DDX27: variants seen among roughly 807,000 people sequenced by gnomAD.
DDX27 encodes the protein DEAD-box helicase 27.
In DDX27, 42 loss-of-function variants were observed where a neutral mutation model predicts 99.3. The observed-to-expected ratio is 0.42, with a 90% CI of 0.33 to 0.55. The LOEUF is 0.55. Among genes scored for constraint, DDX27 ranks in the 20% least tolerant of loss-of-function variants. DDX27 has a pLI of 0.07. For missense variants in DDX27, 798 were observed against 976.8 expected (o/e 0.82, Z 2.44); for synonymous variants, 329 against 353.8 (o/e 0.93, Z 0.79).
chr20:49,243,904 G>C lies in DDX27; in HGVS notation c.*70G>C. 6.3e-7 allele frequency: 1 copy of C among 1,575,998 alleles called. No homozygotes were observed. The highest frequency in any genetic ancestry group is 2.2e-5 in the East Asian group (1 of 44,658). ...TTCCCTGTGGGAAGTCATCCTGGCT[G>C]GTCTGTCTTTTCTCCATTTGTTTAA... On this transcript the variant is annotated 3_prime_UTR_variant, in exon 21 of 21. Coordinates refer to ENST00000618172, the MANE Select transcript of DDX27 (RefSeq NM_017895.8).
In DDX27 at chr20:49,236,215, T is replaced by C. The variant is rs1980301544; in HGVS notation, c.1493T>C (p.Ile498Thr). The C allele has an allele frequency of 1.9e-6, 3 of 1,610,454 alleles. No individual in the cohort carries two copies. The highest frequency in any genetic ancestry group is 2.7e-5 in the African/African-American group (2 of 74,748). Residue 498 changes from isoleucine (I) to threonine (T), a missense_variant, in exon 13 of 21, where the codon ATT (isoleucine) becomes ACT (threonine). Ile to Thr is a moderately conservative substitution (Grantham distance 89, BLOSUM62 -1). This residue lies in a region of DDX27 where 553 missense variants were observed against 727.9 expected (regional missense o/e 0.76). Coordinates refer to ENST00000618172, the MANE Select transcript of DDX27 (RefSeq NM_017895.8). This position sits in a 1 kb window ranked among gnomAD's most constrained non-coding sequence, Gnocchi z 4.1. ...ATDVAARGLD[I>T]EGVKTVINFT... ...GATGTGGCAGCCCGTGGACTTGACA[T>C]TGAGGGGGTCAAAACGGTGAGCAGA... is the stretch of plus-strand genomic sequence containing the variant.
Position 49,236,861 on chromosome 20 carries a change from G to T in DDX27, c.1687+351G>T, listed in dbSNP as rs1342582458. Among the ~76,000 whole-genome samples, 1 of 152,070 alleles carries T rather than the reference G, an allele frequency of 6.6e-6. No homozygotes were observed. The highest frequency in any genetic ancestry group is 2.4e-5 in the African/African-American group (1 of 41,400). ...CTTTTTGGGTCCTTTCATTGATTTT[G>T]TTCCTCTGATCTGTGGGGGTCTTAT... On this transcript the variant is annotated intron_variant, in intron 14 of 20. Transcript: ENST00000618172. The surrounding 1 kb of genome is among the most constrained non-coding windows in gnomAD (Gnocchi z 4.1).
At position 49,219,512 on chromosome 20, in the gene DDX27, G is replaced by A. The variant is rs780746498; in HGVS notation, c.64G>A (p.Glu22Lys). 3.7e-6 allele frequency: 6 copies of A among 1,613,840 alleles called. No individual in the cohort carries two copies. The African/African-American group carries it at 4.0e-5, about 11-fold the overall frequency. The change falls in exon 1 of 21, where the codon GAG becomes AAG. Residue 22 changes from glutamate (E) to lysine (K), a missense_variant. Around this residue, in one of 2 missense-constraint regions of DDX27, gnomAD observed 245 missense variants for 248.8 expected, o/e 0.98. Transcript: ENST00000618172. ...GGATGACGAGGTGCCGGTGGAGCCC[G>A]AGTCTGACTCCGGGGACGAGGAAGA... is the stretch of plus-strand genomic sequence containing the variant. ...GEDDEVPVEPESDSGDEEEEG... is the reference protein window; with the variant it reads ...GEDDEVPVEPKSDSGDEEEEG...
At chr20:49,225,898 A>G (rs1355786604) in intron 6 of DDX27, among the ~76,000 whole-genome samples, 2 of 152,052 alleles carry the variant, frequency 1.3e-5, no homozygotes, top group East Asian at 1.9e-4. Context: ...CTCTCTGACG[A>G]CACCTCCTGG....
intron 8 of DDX27, among the ~76,000 whole-genome samples, chr20:49,229,183 A>G (rs1000406975): frequency 1.3e-5 from 2 of 151,882 alleles, no homozygotes; most frequent in African/African-American, 4.8e-5. Flanking sequence ...GACTACCGCC[A>G]CCACGCCTGG....
Position 49,230,234 on chromosome 20 carries a change from C to T in DDX27, c.916C>T (p.Arg306Trp), listed in dbSNP as rs1337773433. ...LDVKSQEAAL[R>W]AAPDILIATP... Reference sequence around the variant, plus strand: ...TGTGAAGTCTCAGGAAGCAGCTCTTCGGGCAGCGCCTGACATCCTCATCGC... The same window carrying T: ...TGTGAAGTCTCAGGAAGCAGCTCTTTGGGCAGCGCCTGACATCCTCATCGC... Residue 306 changes from arginine to tryptophan, a missense_variant, in exon 9 of 21, where the codon CGG becomes TGG. By Grantham distance (101) the Arg-to-Trp change is moderately radical (BLOSUM62 -3). Coordinates refer to ENST00000618172, the MANE Select transcript of DDX27 (RefSeq NM_017895.8). 12 of 1,613,062 alleles carry T rather than the reference C, an allele frequency of 7.4e-6. No homozygotes were observed. Among genetic ancestry groups the T allele is most frequent in the South Asian group, 3.3e-5 (3 of 91,070 alleles).
Position 49,224,991 on chromosome 20 carries a change from G to C in DDX27, c.513G>C (p.Gln171His). ...GGAAGAAGAAGAAGAAGAAAGGACA[G>C]GTGAGCTTGGGGCTGCAAGACAGTA... ...KDRKKKKKKG[Q>H]EAGGFFEDAS... Residue 171 changes from glutamine (Q) to histidine (H), a missense_variant and splice_region_variant, in exon 5 of 21, where the codon CAG becomes CAC. Gln to His is a conservative substitution (Grantham distance 24, BLOSUM62 0). Transcript: ENST00000618172. The C allele has an allele frequency of 6.2e-7, 1 of 1,614,180 alleles. No homozygotes were observed. The highest frequency in any genetic ancestry group is 8.5e-7 in the Non-Finnish European group (1 of 1,180,036).
In DDX27 at chr20:49,243,692, A is replaced by C; in HGVS notation, c.2268A>C (p.Lys756Asn). ...LPHQRRGGNF[K>N]SKSRYKRRK ...ACCAGAGACGAGGAGGAAACTTTAA[A>C]TCTAAATCCAGGTGATACTGGCTGT... Residue 756 changes from lysine (K) to asparagine (N), a missense_variant, in exon 20 of 21, where the codon AAA becomes AAC. Around this residue, in one of 2 missense-constraint regions of DDX27, gnomAD observed 553 missense variants for 727.9 expected, o/e 0.76. Transcript: ENST00000618172. 1 of 1,614,190 alleles carries C rather than the reference A, an allele frequency of 6.2e-7. No homozygotes were observed. Among genetic ancestry groups the C allele is most frequent in the Non-Finnish European group, 8.5e-7 (1 of 1,180,012 alleles).
chr20:49,243,569 T>G, intron 19 of DDX27, 60 bp from the exon 20 acceptor site: 6 of 1,492,106 alleles, frequency 4.0e-6, no homozygotes, highest in Non-Finnish European at 5.6e-6. Context: ...AGGGTGGGGG[T>G]GAGACAACAC....
At chr20:49,231,135 T>C (rs1600970368) in intron 9 of DDX27, 1 of 152,660 alleles carries the variant, frequency 6.6e-6, no homozygotes, top group East Asian at 1.9e-4. Context: ...CCAGTTGTTA[T>C]CTTGTTAGTG....
Position 49,239,062 on chromosome 20 carries a change from C to G in DDX27, c.1794+7C>G. The G allele has an allele frequency of 6.2e-7, 1 of 1,610,300 alleles. No individual in the cohort carries two copies. Among genetic ancestry groups the G allele is most frequent in the Non-Finnish European group, 8.5e-7 (1 of 1,176,536 alleles). ...GCAGCAGTCAGAAGCCCAGGTGAGGCTGCGAGGCGGGATCTTGTTCACAAG... is the reference window on the plus strand; with the variant it reads ...GCAGCAGTCAGAAGCCCAGGTGAGGGTGCGAGGCGGGATCTTGTTCACAAG... On this transcript the variant is annotated splice_region_variant and intron_variant, in intron 15 of 20. Coordinates refer to ENST00000618172, the MANE Select transcript of DDX27 (RefSeq NM_017895.8).
intron 4 of DDX27, 118 bp downstream of exon 4, chr20:49,223,551 C>A: frequency 1.7e-5 from 14 of 842,978 alleles, no homozygotes; most frequent in African/African-American, 3.5e-5. Context: ...GTTCTGCCTA[C>A]TACATTGAAC....
intron 16 of DDX27, among the ~76,000 whole-genome samples, chr20:49,240,810 T>C (rs1489649542): frequency 6.6e-6 from 1 of 152,088 alleles, no homozygotes; most frequent in East Asian, 1.9e-4. Context: ...TTACAATCAT[T>C]TGTCATCCAG....
intron 2 of DDX27, among the ~76,000 whole-genome samples, chr20:49,221,884 C>A (rs544612621): frequency 1.3e-5 from 2 of 150,326 alleles, no homozygotes; most frequent in East Asian, 3.9e-4. Flanking sequence ...TGAGCACTTG[C>A]CAGGTGGTCT....
intron 7 of DDX27, among the ~76,000 whole-genome samples, chr20:49,227,154 G>A (rs1025763035): frequency 3.9e-5 from 6 of 152,104 alleles, no homozygotes; most frequent in Admixed American, 2.0e-4. Context: ...GAGCCACCGC[G>A]CCCGGCCGAG....
At position 49,233,864 on chromosome 20, in the gene DDX27, C is replaced by G. The variant is rs75392729; in HGVS notation, c.1273+155C>G. 5,167 of 778,060 alleles carry G rather than the reference C, an allele frequency of 6.6e-3. 30 individuals carry two copies. The highest frequency in any genetic ancestry group is 8.9e-3 in the Middle Eastern group (23 of 2,574). 48.2% of individuals were successfully genotyped at this position (778,060 alleles called of 1,614,324 possible). ...GCACTAATGATGATCCGCTGCCTCT[C>G]TTCTCCACGGGTCCTTCCTCCCTTT... On this transcript the variant is annotated intron_variant, in intron 11 of 20. Transcript: ENST00000618172.
intron 11 of DDX27, 116 bp downstream of exon 11, chr20:49,233,825 G>T (rs1470723408): frequency 8.4e-7 from 1 of 1,195,848 alleles, no homozygotes; most frequent in Non-Finnish European, 1.2e-6. Flanking sequence ...CTTCCCCAGC[G>T]CAGAGGCTGC....
chr20:49,230,562 G>A (rs891225487), intron 9 of DDX27, among the ~76,000 whole-genome samples: 9 of 152,216 alleles, frequency 5.9e-5, no homozygotes, highest in African/African-American at 1.9e-4. Context: ...TAAGTGATAA[G>A]GCTGGTCAAA....
intron 6 of DDX27, among the ~76,000 whole-genome samples, 176 bp downstream of exon 6, chr20:49,225,375 G>A (rs1979844632): frequency 6.6e-6 from 1 of 151,342 alleles, no homozygotes; most frequent in African/African-American, 2.4e-5. Flanking sequence ...TGGGATTATT[G>A]CAGCCACCCC....
Sources: gnomAD v4.1 joint callset for allele counts (sites outside exome capture counted in the v4.1 genomes callset) on GRCh38, gnomAD v4.1.1 for gene constraint, gnomAD v4.1.1 regional missense constraint, Gnocchi (gnomAD v3.1) non-coding constraint, MANE v1.5 for transcripts, NCBI Gene and HGNC (gene_info 2026-07-23, HGNC 2026-07-21) for gene names.